ENPP2: variants seen among roughly 807,000 people sequenced by gnomAD.
ENPP2 encodes the protein ectonucleotide pyrophosphatase/phosphodiesterase 2.
In ENPP2, 51 loss-of-function variants were observed where a neutral mutation model predicts 120.2. That is an observed-to-expected ratio of 0.42 (90% CI 0.34 to 0.54). ENPP2 has a LOEUF of 0.54. Ranked by LOEUF, ENPP2 falls within the 20% of genes least tolerant of loss-of-function variation. ENPP2 has a pLI of 0.04. For missense variants in ENPP2, 920 were observed against 1,066.5 expected (o/e 0.86, Z 1.91); for synonymous variants, 365 against 366.4 (o/e 1.00, Z 0.04).
chr8:119,588,172 C>T (rs148692923), intron 13 of ENPP2, among the ~76,000 whole-genome samples: 7 of 152,088 alleles, frequency 4.6e-5, no homozygotes, highest in African/African-American at 9.6e-5. Flanking sequence ...TACTAGAAGG[C>T]AAATAAGTAA....
At position 119,668,417 on chromosome 8, in the gene ENPP2, C is replaced by A. The variant is rs895210590; in HGVS notation, c.21+4835G>T. On this transcript the variant is annotated intron_variant, in intron 1 of 25. Transcript: ENST00000427067. Reference sequence around the variant, plus strand: ...ATACTTTTTTTTTCTTTTTCTTTTTCTTTTTCTTTTTCTTTTTTTTTTTTT... The same window carrying A: ...ATACTTTTTTTTTCTTTTTCTTTTTATTTTTCTTTTTCTTTTTTTTTTTTT... Among the ~76,000 whole-genome samples the A allele has an allele frequency of 2.4e-4, 33 of 139,672 alleles. No homozygotes were observed. The South Asian group carries it at 2.6e-3, about 11-fold the overall frequency. 91.6% of individuals were successfully genotyped at this position (139,672 alleles called of 152,430 possible).
Position 119,557,654 on chromosome 8 carries a change from A to T in ENPP2, c.2459T>A (p.Met820Lys). 1 of 1,596,868 alleles carries T rather than the reference A, an allele frequency of 6.3e-7. No individual in the cohort carries two copies. Among genetic ancestry groups the T allele is most frequent in the East Asian group, 2.2e-5 (1 of 44,612 alleles). The change falls in exon 25 of 25, where the codon ATG (methionine) becomes AAG (lysine). Residue 820 changes from methionine (M) to lysine (K), a missense_variant. By Grantham distance (95) the Met-to-Lys change is moderately conservative (BLOSUM62 -1). Coordinates refer to ENST00000075322, the MANE Select transcript of ENPP2 (RefSeq NM_001040092.3). ...EDESKWVEELMKMHTARVRDI... is the reference protein window; with the variant it reads ...EDESKWVEELKKMHTARVRDI... The stretch of plus-strand genomic sequence containing the variant: ...ACGCACCCTAGCTGTGTGCATCTTC[A>T]TGAGTTCTTCTACCCATTTTGATTC...
At chr8:119,623,469 G>A (rs2130754549) in intron 3 of ENPP2, among the ~76,000 whole-genome samples, 1 of 151,974 alleles carries the variant, frequency 6.6e-6, no homozygotes, top group African/African-American at 2.4e-5. Context: ...CATCTAAAAA[G>A]ATTAAAAAAG....
chr8:119,562,747 G>T, intron 24 of ENPP2, 110 bp downstream of exon 24: 1 of 1,119,104 alleles, frequency 8.9e-7, no homozygotes, highest in South Asian at 1.6e-5. Context: ...TTTCTGTTTA[G>T]GGTGAATGCT....
chr8:119,636,254 C>T (rs1437495188), intron 2 of ENPP2, among the ~76,000 whole-genome samples: 1 of 152,188 alleles, frequency 6.6e-6, no homozygotes, highest in African/African-American at 2.4e-5. Context: ...CCTTTCTAAG[C>T]ATATGCAGCA....
intron 4 of ENPP2, among the ~76,000 whole-genome samples, chr8:119,620,797 T>C (rs910063330): frequency 6.6e-6 from 1 of 152,222 alleles, no homozygotes; most frequent in African/African-American, 2.4e-5. Flanking sequence ...CTTTGGGGTA[T>C]AACAGGAAAT....
chr8:119,652,651 C>T (rs78236013), intron 1 of ENPP2, among the ~76,000 whole-genome samples: 2,165 of 152,234 alleles, frequency 0.014, 56 homozygotes, highest in African/African-American at 0.05. Context: ...TATTCTCCAG[C>T]TTCCTAAGCA....
chr8:119,601,255 G>A (rs1412784213), intron 10 of ENPP2, 142 bp downstream of exon 10: 1 of 611,428 alleles, frequency 1.6e-6, no homozygotes, highest in Non-Finnish European at 2.9e-6. Flanking sequence ...TCCTTCTTAG[G>A]GAAGTAACAC....
chr8:119,557,288 C>G lies in ENPP2; in HGVS notation c.*233G>C. On this transcript the variant is annotated 3_prime_UTR_variant, in exon 25 of 25. Coordinates refer to ENST00000075322, the MANE Select transcript of ENPP2 (RefSeq NM_001040092.3). ...TCAAATCTGCAGCACCATTTAGAAGCTTCCACTAAAAACTCAAGCTGCAGT... is the reference window on the plus strand; with the variant it reads ...TCAAATCTGCAGCACCATTTAGAAGGTTCCACTAAAAACTCAAGCTGCAGT... 6.5e-6 allele frequency: 3 copies of G among 458,974 alleles called. No homozygotes were observed. Among genetic ancestry groups the G allele is most frequent in the Non-Finnish European group, 1.2e-5 (3 of 260,826 alleles). 28.4% of individuals were successfully genotyped at this position (458,974 alleles called of 1,614,324 possible).
intron 8 of ENPP2, among the ~76,000 whole-genome samples, chr8:119,615,716 T>C (rs1815410321): frequency 6.6e-6 from 1 of 152,204 alleles, no homozygotes; most frequent in Non-Finnish European, 1.5e-5. Context: ...CCAGCAAGTT[T>C]CCCTGTTTCT....
chr8:119,648,954 C>G (rs1563772033), intron 1 of ENPP2, among the ~76,000 whole-genome samples: 1 of 152,078 alleles, frequency 6.6e-6, no homozygotes, highest in African/African-American at 2.4e-5. Flanking sequence ...ATTCACAGAT[C>G]TTGTATATAG....
chr8:119,587,023 G>A (rs535128167), intron 14 of ENPP2, 21 bp downstream of exon 14: 22 of 1,606,618 alleles, frequency 1.4e-5, no homozygotes, highest in East Asian at 1.3e-4. Context: ...GGGCAGAGGC[G>A]GGACAACTGG....
intron 19 of ENPP2, chr8:119,571,949 T>C (rs1426503898): frequency 2.2e-6 from 1 of 447,184 alleles, no homozygotes; most frequent in African/African-American, 2.0e-5. Flanking sequence ...CCCACACTAT[T>C]ACAACACAAG....
At chr8:119,574,328 C>T (rs994029626) in intron 19 of ENPP2, among the ~76,000 whole-genome samples, 10 of 151,452 alleles carry the variant, frequency 6.6e-5, no homozygotes, top group African/African-American at 2.2e-4. Context: ...AGACCAGCAA[C>T]CCTGGAGACT....
Position 119,638,431 on chromosome 8 carries a change from G to A in ENPP2, c.130C>T (p.Pro44Ser). 6.4e-7 allele frequency: 1 copy of A among 1,567,138 alleles called. No individual in the cohort carries two copies. The change falls in exon 2 of 25, where the codon CCT becomes TCT. Residue 44 changes from proline to serine, a missense_variant. By Grantham distance (74) the Pro-to-Ser change is moderately conservative. Coordinates refer to ENST00000075322, the MANE Select transcript of ENPP2 (RefSeq NM_001040092.3). ...AAATAGTTTTGACACTTACCTGTAG[G>A]AGGACCTTCCTCCCATCCTTCTGCT... The part of the protein sequence containing the change: ...KRAEGWEEGP[P>S]TVLSDSPWTN...
Position 119,626,621 on chromosome 8 carries a change from A to G in ENPP2, c.236T>C (p.Leu79Ser). The change falls in exon 3 of 25, where the codon TTG becomes TCG. Residue 79 changes from leucine (L) to serine (S), a missense_variant. Transcript: ENST00000075322. The stretch of plus-strand genomic sequence containing the variant: ...GCAGCAACTGGTATAGCTCTTACAC[A>G]AGTTGTCACAGCGACAATCAGGAGG... The part of the protein sequence containing the change: ...AGPPDCRCDN[L>S]CKSYTSCCHD... 2 of 1,613,906 alleles carry G rather than the reference A, an allele frequency of 1.2e-6. No homozygotes were observed. The highest frequency in any genetic ancestry group is 1.7e-6 in the Non-Finnish European group (2 of 1,179,786).
chr8:119,600,810 C>T (rs541537016), intron 10 of ENPP2, 60 bp from the exon 11 acceptor site: 3 of 942,654 alleles, frequency 3.2e-6, no homozygotes, highest in East Asian at 2.4e-5. Flanking sequence ...AAAAATATCA[C>T]ATATTTTTAA....
At chr8:119,663,216 A>G (rs750119885) in intron 1 of ENPP2, among the ~76,000 whole-genome samples, 3 of 152,212 alleles carry the variant, frequency 2.0e-5, no homozygotes, top group Non-Finnish European at 4.4e-5. Flanking sequence ...TGCTTTTTCA[A>G]GTTAGGTCAA....
intron 11 of ENPP2, among the ~76,000 whole-genome samples, chr8:119,597,368 C>A (rs892336707): frequency 6.6e-6 from 1 of 152,168 alleles, no homozygotes; most frequent in African/African-American, 2.4e-5. Context: ...TCCAAAGACT[C>A]CAAAGATGAG....
Sources: allele counts gnomAD v4.1 joint callset (sites outside exome capture counted in the v4.1 genomes callset), GRCh38; gene constraint gnomAD v4.1.1; transcripts MANE v1.5; gene names NCBI Gene and HGNC (gene_info 2026-07-23, HGNC 2026-07-21).